The following CLSTN1 variants were observed in gnomAD, a reference collection of about 807,000 sequenced individuals.
CLSTN1 encodes the protein calsyntenin-1.
In CLSTN1, 28 loss-of-function variants were observed where a neutral mutation model predicts 108.3. The ratio of observed to expected loss-of-function variants is 0.26; its 90% confidence interval spans 0.19 to 0.35. The LOEUF is 0.35. Among genes scored for constraint, CLSTN1 ranks in the 10% least tolerant of loss-of-function variants. The pLI, the probability that CLSTN1 is intolerant of heterozygous loss-of-function variation, is 1.00. For synonymous variants in CLSTN1, 524 were observed against 534.9 expected (o/e 0.98, Z 0.28); for missense variants, 1,157 against 1,302.6 (o/e 0.89, Z 1.72).
chr1:9,747,693 A>G (rs1651347789), intron 7 of CLSTN1, among the ~76,000 whole-genome samples: 2 of 152,014 alleles, frequency 1.3e-5, no homozygotes, highest in South Asian at 2.1e-4. Flanking sequence ...CGGGGGTTTC[A>G]TCATGTTGAT....
At chr1:9,759,280 G>A (rs1202873157) in intron 2 of CLSTN1, among the ~76,000 whole-genome samples, 2 of 151,460 alleles carry the variant, frequency 1.3e-5, no homozygotes, top group African/African-American at 4.8e-5. Flanking sequence ...GTTTCTTTTT[G>A]TTTGTTTGTT....
chr1:9,735,392 T>A, intron 13 of CLSTN1, 75 bp downstream of exon 13: 1 of 1,590,356 alleles, frequency 6.3e-7, no homozygotes, highest in Non-Finnish European at 8.6e-7. Flanking sequence ...ACAGAAGGGG[T>A]TAGGCTGTCT....
chr1:9,742,089 AG>A (rs1651012227), intron 9 of CLSTN1, among the ~76,000 whole-genome samples: 1 of 152,236 alleles, frequency 6.6e-6, no homozygotes, highest in Admixed American at 6.5e-5. Flanking sequence ...AACACGCATC[AG>A]CCAGCTGCAA....
At chr1:9,754,070 G>T (rs538735447) in intron 4 of CLSTN1, among the ~76,000 whole-genome samples, 4 of 152,288 alleles carry the variant, frequency 2.6e-5, no homozygotes, top group Middle Eastern at 6.8e-3. Flanking sequence ...GCCTCCCAAA[G>T]TGCTGGGATT....
intron 1 of CLSTN1, among the ~76,000 whole-genome samples, chr1:9,820,878 A>G (rs552804035): frequency 3.0e-4 from 45 of 152,366 alleles, no homozygotes; most frequent in Admixed American, 2.5e-3. Flanking sequence ...TTAGGGGTTC[A>G]GGAAGAGAAA....
intron 1 of CLSTN1, among the ~76,000 whole-genome samples, chr1:9,773,899 ATTT>A (rs57507445): frequency 3.0e-5 from 4 of 133,326 alleles, no homozygotes; most frequent in Admixed American, 7.6e-5. Context: ...TACTTGACTT[ATTT>A]TTTTTTTTTT....
rs1402099734 is a variant in CLSTN1, at chr1:9,823,331, G to A, written c.91+312C>T. Among the ~76,000 whole-genome samples the A allele has an allele frequency of 6.6e-6, 1 of 152,118 alleles. No homozygotes were observed. The highest frequency in any genetic ancestry group is 2.4e-5 in the African/African-American group (1 of 41,436). ...CCAAATCAGCGCAGCCACCACCATG[G>A]GCTGCAGTGGGGGCAGCCCAGGCTC... On this transcript the variant is annotated intron_variant, in intron 1 of 18. Transcript: ENST00000377298. This position sits in a 1 kb window ranked among gnomAD's most constrained non-coding sequence, Gnocchi z 6.3.
chr1:9,757,774 T>C (rs2101122008), intron 2 of CLSTN1, among the ~76,000 whole-genome samples: 1 of 152,260 alleles, frequency 6.6e-6, no homozygotes, highest in Admixed American at 6.5e-5. Context: ...TATAAACCCT[T>C]TACTATGGAG....
intron 2 of CLSTN1, among the ~76,000 whole-genome samples, chr1:9,762,537 T>C (rs911820001): frequency 8.0e-5 from 12 of 149,826 alleles, no homozygotes; most frequent in Non-Finnish European, 1.5e-4. Context: ...TCGGCCTTGG[T>C]GCCCACACTC....
chr1:9,769,892 C>T (rs1381114081), intron 2 of CLSTN1, among the ~76,000 whole-genome samples: 3 of 151,934 alleles, frequency 2.0e-5, no homozygotes, highest in African/African-American at 7.3e-5. Flanking sequence ...TAGCCGGGCG[C>T]GGTGGCGGAC....
rs575178418 is a variant in CLSTN1, at chr1:9,815,275, G to A, written c.91+8368C>T. 2.6e-5 allele frequency among the ~76,000 whole-genome samples: 4 copies of A among 152,326 alleles called. No individual in the cohort carries two copies. The South Asian group carries it at 8.3e-4, about 32-fold the overall frequency. ...AAAGGGTTGCTCTGTGAGCTACCAA[G>A]AGCCCCACAGCAGCAGAGTTCAAAC... On this transcript the variant is annotated intron_variant, in intron 1 of 18. Coordinates refer to ENST00000377298, the MANE Select transcript of CLSTN1 (RefSeq NM_001009566.3).
At chr1:9,781,314 G>A in intron 1 of CLSTN1, 1 of 635,240 alleles carries the variant, frequency 1.6e-6, no homozygotes, top group Non-Finnish European at 2.8e-6. Flanking sequence ...AGTCGAGAAT[G>A]TACAATGATA....
Position 9,730,566 on chromosome 1 carries a change from G to A in CLSTN1, c.2888C>T (p.Pro963Leu). The change falls in exon 19 of 19, where the codon CCC becomes CTC. Residue 963 changes from proline to leucine, a missense_variant. Transcript: ENST00000377298. This position sits in a 1 kb window ranked among gnomAD's most constrained non-coding sequence, Gnocchi z 5.6. ...SEEEEGEQGD[P>L]QNATRQQQLE... ...CTGCTGCTGCCGGGTTGCGTTCTGG[G>A]GGTCGCCCTGCTCCCCCTCCTCCTC... The A allele has an allele frequency of 6.2e-7, 1 of 1,608,672 alleles. No homozygotes were observed. The highest frequency in any genetic ancestry group is 8.5e-7 in the Non-Finnish European group (1 of 1,179,964).
chr1:9,809,793 C>T lies in CLSTN1; in HGVS notation c.91+13850G>A, dbSNP rs564544234. On this transcript the variant is annotated intron_variant, in intron 1 of 18. Transcript: ENST00000377298. Reference sequence around the variant, plus strand: ...GTGGGTGCCTATAATCCCAGCTACTCGGGAGGGTGAGACAGAAGAACTGCT... The same window carrying T: ...GTGGGTGCCTATAATCCCAGCTACTTGGGAGGGTGAGACAGAAGAACTGCT... Among the ~76,000 whole-genome samples, 5 of 151,274 alleles carry T rather than the reference C, an allele frequency of 3.3e-5. No individual in the cohort carries two copies. In the South Asian group the frequency reaches 8.4e-4, roughly 25 times the overall value.
chr1:9,804,602 T>TA (rs1654427644), intron 1 of CLSTN1, among the ~76,000 whole-genome samples: 1 of 152,022 alleles, frequency 6.6e-6, no homozygotes, highest in South Asian at 2.1e-4. Flanking sequence ...CCCAGCACTT[T>TA]AGGAGGCCAA....
chr1:9,773,315 G>C lies in CLSTN1; in HGVS notation c.171C>G (p.Pro57=), dbSNP rs550658498. Residue 57 remains proline (P), a synonymous_variant, in exon 2 of 19, where the codon CCC becomes CCG. Transcript: ENST00000377298. ...TENDNTVLLD[P]PLIALDKDAP... The stretch of plus-strand genomic sequence containing the variant: ...CATCTTTATCCAGCGCGATCAGTGG[G>C]GGGTCGAGGAGCACGGTGTTGTCGT... 1 of 1,614,168 alleles carries C rather than the reference G, an allele frequency of 6.2e-7. No individual in the cohort carries two copies. Among genetic ancestry groups the C allele is most frequent in the Admixed American group, 1.7e-5 (1 of 60,016 alleles).
intron 1 of CLSTN1, among the ~76,000 whole-genome samples, chr1:9,822,590 G>C (rs1161894763): frequency 6.6e-6 from 1 of 152,054 alleles, no homozygotes; most frequent in Admixed American, 6.6e-5. Context: ...AGATTCTACA[G>C]ACTACACCTA....
At chr1:9,764,127 AGAGG>A (rs1652212545) in intron 2 of CLSTN1, among the ~76,000 whole-genome samples, 1 of 150,804 alleles carries the variant, frequency 6.6e-6, no homozygotes, top group African/African-American at 2.4e-5. Flanking sequence ...AGAGAGAGAG[AGAGG>A]GAGAGAGAGA....
intron 1 of CLSTN1, among the ~76,000 whole-genome samples, chr1:9,808,869 C>A (rs557590121): frequency 6.6e-6 from 1 of 151,988 alleles, no homozygotes; most frequent in South Asian, 2.1e-4. Context: ...ACAGCCGGGA[C>A]TGCTCTAGCC....
Sources: allele counts gnomAD v4.1 joint callset (sites outside exome capture counted in the v4.1 genomes callset), GRCh38; gene constraint gnomAD v4.1.1; non-coding constraint Gnocchi (gnomAD v3.1); transcripts MANE v1.5; gene names NCBI Gene and HGNC (gene_info 2026-07-23, HGNC 2026-07-21).